Variants in SCRN1 observed in about 807,000 individuals in gnomAD.
SCRN1 encodes secernin 1, also known as secernin-1.
A neutral mutation model predicts 43.3 loss-of-function variants in SCRN1; 19 were observed. That is an observed-to-expected ratio of 0.44 (90% CI 0.31 to 0.64). The LOEUF is 0.64. Among genes scored for constraint, SCRN1 ranks in the 30% least tolerant of loss-of-function variants. The pLI is 0.09. For missense variants in SCRN1, 447 were observed against 524.1 expected (o/e 0.85, Z 1.44); for synonymous variants, 183 against 188.9 (o/e 0.97, Z 0.26).
intron 2 of SCRN1, among the ~76,000 whole-genome samples, chr7:29,959,856 G>A (rs1037366632): frequency 6.6e-6 from 1 of 151,832 alleles, no homozygotes; most frequent in African/African-American, 2.4e-5. Context: ...TGGAAGTGAG[G>A]GAGACACTTC....
chr7:29,990,201 A>C (rs576878183), upstream of SCRN1: 1 of 1,551,648 alleles, frequency 6.4e-7, no homozygotes, highest in East Asian at 2.4e-5. Context: ...TCGCACGTCC[A>C]AGTCGAGTCC....
intron 1 of SCRN1, among the ~76,000 whole-genome samples, chr7:29,988,031 G>C (rs1040799584): frequency 2.6e-5 from 4 of 151,946 alleles, no homozygotes; most frequent in African/African-American, 9.7e-5. Context: ...AGTGAAAAGG[G>C]AAAGAAAGGC....
Position 29,967,174 on chromosome 7 carries a change from A to AACACAC in SCRN1, c.159+1729_159+1734dup, listed in dbSNP as rs142917231. Among the ~76,000 whole-genome samples the AACACAC allele has an allele frequency of 5.0e-3, 740 of 148,368 alleles. 7 individuals carry two copies. Among genetic ancestry groups the AACACAC allele is most frequent in the African/African-American group, 0.018 (715 of 40,556 alleles). ...TCATCCTTTAACAAACTACCATCTA[A>AACACAC]ACACACACACACACACACACACACA... On this transcript the variant is annotated intron_variant, in intron 2 of 7. Coordinates refer to ENST00000242059, the MANE Select transcript of SCRN1 (RefSeq NM_014766.5).
At position 29,923,246 on chromosome 7, in the gene SCRN1, G is replaced by C. The variant is rs1786827365; in HGVS notation, c.*711C>G. The C allele has an allele frequency of 6.6e-6, 1 of 152,272 alleles. No individual in the cohort carries two copies. The highest frequency in any genetic ancestry group is 1.5e-5 in the Non-Finnish European group (1 of 68,080). 9.4% of individuals were successfully genotyped at this position (152,272 alleles called of 1,614,324 possible). ...TATGTCTGAATCTCGGAAGTGAATA[G>C]GTTCCAGCTAACAAATTATCAGCTC... is the stretch of plus-strand genomic sequence containing the variant. On this transcript the variant is annotated 3_prime_UTR_variant, in exon 8 of 8. Coordinates refer to ENST00000242059, the MANE Select transcript of SCRN1 (RefSeq NM_014766.5).
intron 3 of SCRN1, among the ~76,000 whole-genome samples, chr7:29,948,052 A>G (rs1478465283): frequency 6.6e-6 from 1 of 152,248 alleles, no homozygotes; most frequent in Non-Finnish European, 1.5e-5. Context: ...CAAATGGACT[A>G]AGACGAGTGA....
intron 1 of SCRN1, among the ~76,000 whole-genome samples, chr7:29,972,851 TTGAAG>T (rs1305652348): frequency 1.3e-5 from 2 of 152,234 alleles, no homozygotes; most frequent in African/African-American, 4.8e-5. Context: ...CAGGCAGCTA[TTGAAG>T]TGTAGTTAGA....
intron 3 of SCRN1, among the ~76,000 whole-genome samples, chr7:29,944,570 G>A (rs942365457): frequency 1.3e-5 from 2 of 150,244 alleles, no homozygotes; most frequent in African/African-American, 4.9e-5. Context: ...GGCTGAGGTG[G>A]TACGATCGCT....
chr7:29,926,143 T>TC, intron 7 of SCRN1, among the ~76,000 whole-genome samples: 1 of 152,348 alleles, frequency 6.6e-6, no homozygotes, highest in Non-Finnish European at 1.5e-5. Flanking sequence ...ATAACAGTTA[T>TC]CCCTAACGTA....
chr7:29,984,204 C>CAAAAAAAAAAAAAA (rs55733700), intron 1 of SCRN1, among the ~76,000 whole-genome samples: 1 of 98,252 alleles, frequency 1.0e-5, no homozygotes, highest in Non-Finnish European at 2.0e-5. Context: ...AGACAGTCTC[C>CAAAAAAAAAAAAAA]AAAAAAAAAA....
In SCRN1 at chr7:29,955,371, A is replaced by T; in HGVS notation, c.160-11T>A. On this transcript the variant is annotated splice_polypyrimidine_tract_variant and intron_variant, in intron 2 of 7. Coordinates refer to ENST00000242059, the MANE Select transcript of SCRN1 (RefSeq NM_014766.5). ...TGAAATGTAAGTGCACTGAAAAACAAACACAGGAAAGAAAGCGCCATCACC... is the reference window on the plus strand; with the variant it reads ...TGAAATGTAAGTGCACTGAAAAACATACACAGGAAAGAAAGCGCCATCACC... 3 of 1,612,240 alleles carry T rather than the reference A, an allele frequency of 1.9e-6. No individual in the cohort carries two copies. The highest frequency in any genetic ancestry group is 2.5e-6 in the Non-Finnish European group (3 of 1,179,148).
intron 6 of SCRN1, among the ~76,000 whole-genome samples, chr7:29,932,165 G>A (rs2128087381): frequency 6.6e-6 from 1 of 152,194 alleles, no homozygotes; most frequent in African/African-American, 2.4e-5. Context: ...GGAGACAGCT[G>A]GTGTTGGAAG....
chr7:29,963,177 A>G (rs1788384151), intron 2 of SCRN1, among the ~76,000 whole-genome samples: 1 of 152,194 alleles, frequency 6.6e-6, no homozygotes, highest in African/African-American at 2.4e-5. Context: ...TCTATCTGGC[A>G]AATAAAGAAA....
intron 6 of SCRN1, among the ~76,000 whole-genome samples, chr7:29,928,880 T>G (rs905108821): frequency 6.6e-5 from 10 of 152,252 alleles, no homozygotes; most frequent in African/African-American, 2.4e-4. Flanking sequence ...CAATTTTTAC[T>G]ATATGAAATT....
At chr7:29,955,644 G>A (rs1163218782) in intron 2 of SCRN1, among the ~76,000 whole-genome samples, 1 of 152,138 alleles carries the variant, frequency 6.6e-6, no homozygotes, top group East Asian at 1.9e-4. Flanking sequence ...TCCTAAGCCT[G>A]CCCATTTCAA....
Position 29,941,022 on chromosome 7 carries a change from C to G in SCRN1, c.545-146G>C. ...TTTAATTTTTGAAGAGAGAAACAGACAATCATTGAGTCTCTTTCTAGGAGA... is the reference window on the plus strand; with the variant it reads ...TTTAATTTTTGAAGAGAGAAACAGAGAATCATTGAGTCTCTTTCTAGGAGA... On this transcript the variant is annotated intron_variant, in intron 4 of 7. Transcript: ENST00000242059. The G allele has an allele frequency of 1.1e-5, 7 of 662,692 alleles. 1 individual carries two copies. The South Asian group carries it at 2.3e-4, about 22-fold the overall frequency. The allele number at this position is 662,692 out of a possible 1,614,324, so 41.1% of individuals were successfully genotyped here.
intron 6 of SCRN1, among the ~76,000 whole-genome samples, chr7:29,927,739 G>C (rs1200226808): frequency 6.6e-6 from 1 of 152,194 alleles, no homozygotes; most frequent in Non-Finnish European, 1.5e-5. Flanking sequence ...CTAGAGGTGA[G>C]CTAGGATGTT....
chr7:29,962,258 T>C (rs752353912), intron 2 of SCRN1, among the ~76,000 whole-genome samples: 19 of 147,828 alleles, frequency 1.3e-4, no homozygotes, highest in Non-Finnish European at 2.1e-4. Context: ...AATTATTAGA[T>C]AATTGTTTAT....
At position 29,963,363 on chromosome 7, in the gene SCRN1, GAGGCCTGGA is replaced by G. The variant is rs1199270770; in HGVS notation, c.159+5537_159+5545del. The stretch of plus-strand genomic sequence containing the variant: ...AAAGGGAGGAGTGGATATTGGTGTT[GAGGCCTGGA>G]AGGATAAACAGGAGTCTACCAAGTA... On this transcript the variant is annotated intron_variant, in intron 2 of 7. Transcript: ENST00000242059. Among the ~76,000 whole-genome samples, 41 of 152,288 alleles carry G rather than the reference GAGGCCTGGA, an allele frequency of 2.7e-4. 2 individuals are homozygous for G. The highest frequency in any genetic ancestry group is 2.1e-3 in the East Asian group (11 of 5,182).
chr7:29,954,019 C>T (rs1247563953), intron 3 of SCRN1, among the ~76,000 whole-genome samples: 3 of 152,176 alleles, frequency 2.0e-5, no homozygotes, highest in South Asian at 4.1e-4. Flanking sequence ...TATTTCATTT[C>T]ACTATTTCAG....
Sources: allele counts gnomAD v4.1 joint callset (sites outside exome capture counted in the v4.1 genomes callset), GRCh38; gene constraint gnomAD v4.1.1; transcripts MANE v1.5; gene names NCBI Gene and HGNC (gene_info 2026-07-23, HGNC 2026-07-21).